Variants in RGS13 observed in about 807,000 individuals in gnomAD.
RGS13 encodes regulator of G protein signaling 13.
A neutral mutation model predicts 19.9 loss-of-function variants in RGS13; 14 were observed. The ratio of observed to expected loss-of-function variants is 0.70; its 90% CI spans 0.46 to 1.10. The LOEUF (loss-of-function observed/expected upper bound fraction) is 1.10. Among genes scored for constraint, RGS13 ranks in the 50% least tolerant of loss-of-function variants. The probability of loss-of-function intolerance (pLI) is 0.00; values close to 1 mark genes in which losing one functional copy is unlikely to be tolerated. For synonymous variants in RGS13, 60 were observed against 56.8 expected (o/e 1.06, Z -0.25); for missense variants, 205 against 187.1 (o/e 1.10, Z -0.56).
chr1:192,649,766 C>T (rs74130411), intron 5 of RGS13, among the ~76,000 whole-genome samples: 3,138 of 152,228 alleles, frequency 0.021, 87 homozygotes, highest in African/African-American at 0.066. Flanking sequence ...TCTCTAGTTA[C>T]TCTGCTCATG....
At chr1:192,647,634 C>CTAATAGTGG (rs1253910499) in intron 4 of RGS13, 11 of 162,820 alleles carry the variant, frequency 6.8e-5, no homozygotes, top group Non-Finnish European at 1.1e-4. Flanking sequence ...CATCAAAATA[C>CTAATAGTGG]TAATAGTGGT....
At chr1:192,658,407 C>T (rs889322227) in intron 6 of RGS13, 40 bp downstream of exon 6, 1 of 1,572,560 alleles carries the variant, frequency 6.4e-7, no homozygotes, top group Non-Finnish European at 8.7e-7. Flanking sequence ...ATCAGTTCAT[C>T]CCTGCAAGGG....
intron 3 of RGS13, among the ~76,000 whole-genome samples, chr1:192,639,255 AAC>A (rs1377528688): frequency 5.3e-5 from 8 of 152,148 alleles, no homozygotes; most frequent in Admixed American, 6.6e-5. Flanking sequence ...TAGAGAGAAC[AAC>A]CTGAATAATT....
rs73060166 is a variant in RGS13 at position 192,640,908 on chromosome 1, T to C, written c.-5+2705T>C. Among the ~76,000 whole-genome samples the C allele has an allele frequency of 9.8e-3, 1,489 of 152,250 alleles. 22 individuals carry two copies. Among genetic ancestry groups the C allele is most frequent in the African/African-American group, 0.033 (1,385 of 41,544 alleles). Reference sequence around the variant, plus strand: ...CTGAAATTCTATTGGTTTTCCTTCTTTCTTCTGTGTTTTCAAACTCTGTCT... The same window carrying C: ...CTGAAATTCTATTGGTTTTCCTTCTCTCTTCTGTGTTTTCAAACTCTGTCT... On this transcript the variant is annotated intron_variant, in intron 3 of 6. Coordinates refer to ENST00000391995, the MANE Select transcript of RGS13 (RefSeq NM_002927.5).
At position 192,659,024 on chromosome 1, in the gene RGS13, A is replaced by G. The variant is rs185847638; in HGVS notation, c.295-314A>G. The G allele has an allele frequency of 2.4e-4, 51 of 210,650 alleles. 1 individual carries two copies. In the East Asian group the frequency reaches 2.9e-3, roughly 12 times the overall value. 13.0% of individuals were successfully genotyped at this position (210,650 alleles called of 1,614,324 possible). Reference sequence around the variant, plus strand: ...TTCTTTAAAAAGACATTTGTCTTACAAACTTCCTGATTTGTAGACTGCTAC... The same window carrying G: ...TTCTTTAAAAAGACATTTGTCTTACGAACTTCCTGATTTGTAGACTGCTAC... On this transcript the variant is annotated intron_variant, in intron 6 of 6. Transcript: ENST00000391995.
intron 5 of RGS13, among the ~76,000 whole-genome samples, chr1:192,650,594 C>A (rs577721006): frequency 6.6e-6 from 1 of 151,830 alleles, no homozygotes; most frequent in Non-Finnish European, 1.5e-5. Flanking sequence ...ATAGATGAAC[C>A]GAAATTGGTT....
chr1:192,640,764 A>G (rs1663090100), intron 3 of RGS13, among the ~76,000 whole-genome samples: 1 of 152,146 alleles, frequency 6.6e-6, no homozygotes, highest in Non-Finnish European at 1.5e-5. Flanking sequence ...AATGAACTTG[A>G]ATCTATACCT....
intron 4 of RGS13, chr1:192,647,721 T>A (rs1366851986): frequency 4.0e-6 from 1 of 247,540 alleles, no homozygotes; most frequent in African/African-American, 2.3e-5. Context: ...TCTACACTAT[T>A]TGCACAATTT....
chr1:192,659,081 A>G (rs1029881235), intron 6 of RGS13: 15 of 299,992 alleles, frequency 5.0e-5, no homozygotes, highest in Non-Finnish European at 7.8e-5. Context: ...TGAGTAAGCC[A>G]TGGTTTTGGA....
intron 3 of RGS13, among the ~76,000 whole-genome samples, chr1:192,641,258 G>GAA (rs1558049251): frequency 1.4e-5 from 1 of 70,064 alleles, no homozygotes; most frequent in African/African-American, 4.6e-5. Flanking sequence ...AGAAAGAAAA[G>GAA]AAAGAAAGAA....
chr1:192,659,215 T>C (rs1217134735), intron 6 of RGS13, 123 bp from the exon 7 acceptor site: 9 of 603,026 alleles, frequency 1.5e-5, no homozygotes, highest in African/African-American at 7.6e-5. Flanking sequence ...CCTATAAAAC[T>C]ACAAAGAAAA....
At position 192,637,625 on chromosome 1, in the gene RGS13, A is replaced by G. The variant is rs1356242608; in HGVS notation, c.-80A>G. The stretch of plus-strand genomic sequence containing the variant: ...TGTTTCCACATATTATACCACCAAC[A>G]TGAGAAAAAAATGATCATTGTTTAT... On this transcript the variant is annotated 5_prime_UTR_variant, in exon 2 of 7. The change abolishes an upstream ATG in the 5' untranslated region. Transcript: ENST00000391995. The G allele has an allele frequency of 6.6e-6, 1 of 151,974 alleles. No individual in the cohort carries two copies. Among genetic ancestry groups the G allele is most frequent in the African/African-American group, 2.4e-5 (1 of 41,430 alleles). The allele number at this position is 151,974 out of a possible 1,614,324, so 9.4% of individuals were successfully genotyped here. A position where few individuals can be genotyped will look rare whatever the true frequency, so the allele number is the denominator to read the frequency against.
At chr1:192,645,002 C>T (rs989576891) in intron 4 of RGS13, 4 of 152,210 alleles carry the variant, frequency 2.6e-5, no homozygotes, top group East Asian at 1.9e-4. Context: ...CAGTTCTGGC[C>T]ACACCTTTTT....
At chr1:192,656,033 A>G (rs558938963) in intron 5 of RGS13, among the ~76,000 whole-genome samples, 24 of 152,268 alleles carry the variant, frequency 1.6e-4, no homozygotes, top group Admixed American at 1.2e-3. Context: ...GAAGAAAGTT[A>G]AAGAAGCCAG....
chr1:192,647,886 A>G, intron 4 of RGS13, 40 bp from the exon 5 acceptor site: 2 of 1,378,144 alleles, frequency 1.5e-6, no homozygotes, highest in Admixed American at 2.1e-5. Context: ...AAACCTTGAG[A>G]ATATTTAGCC....
intron 3 of RGS13, among the ~76,000 whole-genome samples, chr1:192,641,237 AAAGAAAGAAAAGAAAGAAAAGAAAG>A (rs1558049139): frequency 1.8e-4 from 14 of 76,066 alleles, no homozygotes; most frequent in African/African-American, 9.0e-4. Flanking sequence ...AGAAAGAAAG[AAAGAAAGAAAAGAAAGAAAAGAAAG>A]AAAGAAAGAA....
chr1:192,650,018 A>T (rs906781314), intron 5 of RGS13, among the ~76,000 whole-genome samples: 1 of 152,112 alleles, frequency 6.6e-6, no homozygotes, highest in Non-Finnish European at 1.5e-5. Flanking sequence ...ATGAGCATGC[A>T]ATAAATGTTC....
At chr1:192,657,020 G>T (rs1663455577) in intron 5 of RGS13, among the ~76,000 whole-genome samples, 1 of 152,016 alleles carries the variant, frequency 6.6e-6, no homozygotes, top group Admixed American at 6.6e-5. Flanking sequence ...GACCAAGATA[G>T]TGTTAATCAA....
At chr1:192,646,690 T>A (rs1663227712) in intron 4 of RGS13, 1 of 152,044 alleles carries the variant, frequency 6.6e-6, no homozygotes, top group Non-Finnish European at 1.5e-5. Flanking sequence ...TGTGTTGTTC[T>A]CCCCAATGTG....
Sources: gnomAD v4.1 joint callset for allele counts (sites outside exome capture counted in the v4.1 genomes callset) on GRCh38, gnomAD v4.1.1 for gene constraint, MANE v1.5 for transcripts, NCBI Gene and HGNC (gene_info 2026-07-23, HGNC 2026-07-21) for gene names.